Variants in PRPS1 observed in about 807,000 individuals in gnomAD.
The protein encoded by PRPS1 is ribose-phosphate pyrophosphokinase 1.
Under a neutral mutation model 16.9 loss-of-function variants are expected in PRPS1, and 1 was observed. That is an observed-to-expected ratio of 0.06 (90% CI 0.02 to 0.28). PRPS1 has a LOEUF of 0.28. Ranked by LOEUF, PRPS1 falls within the 10% of genes least tolerant of loss-of-function variation. The probability of loss-of-function intolerance (pLI) is 1.00; values close to 1 mark genes in which losing one functional copy is unlikely to be tolerated. For synonymous variants in PRPS1, 70 were observed against 90.2 expected (o/e 0.78, Z 1.27); for missense variants, 47 against 254.0 (o/e 0.19, Z 5.54).
chrX:107,648,473 G>A (rs1437636827), intron 6 of PRPS1, among the ~76,000 whole-genome samples: 5 of 103,504 alleles, frequency 4.8e-5, no homozygotes, highest in Admixed American at 1.1e-4. Flanking sequence ...TGCCCCAGCC[G>A]GAGTGCGCAA....
intron 6 of PRPS1, among the ~76,000 whole-genome samples, chrX:107,649,425 C>G (rs1925780507): frequency 9.1e-6 from 1 of 109,382 alleles, no homozygotes; most frequent in African/African-American, 3.3e-5. Flanking sequence ...TCTCAGTTAG[C>G]ATTTTGACTC....
chrX:107,642,783 A>G (rs1925604836), intron 4 of PRPS1, among the ~76,000 whole-genome samples: 1 of 111,778 alleles, frequency 8.9e-6, no homozygotes, highest in African/African-American at 3.3e-5. Flanking sequence ...ACCTTTTGGG[A>G]AGGGTAGAAA....
At chrX:107,644,571 C>T (rs1925646676) in intron 4 of PRPS1, among the ~76,000 whole-genome samples, 1 of 112,022 alleles carries the variant, frequency 8.9e-6, no homozygotes. Context: ...TAGCGTTATA[C>T]TGCTTCCCAG....
intron 5 of PRPS1, among the ~76,000 whole-genome samples, chrX:107,646,908 G>T (rs779837995): frequency 2.0e-4 from 22 of 112,643 alleles, no homozygotes; most frequent in Admixed American, 1.7e-3. Flanking sequence ...TGTGAGGGAG[G>T]CTGGGAAATG....
chrX:107,637,933 T>A (rs965097589), intron 1 of PRPS1, among the ~76,000 whole-genome samples: 14 of 103,678 alleles, frequency 1.4e-4, no homozygotes, highest in Non-Finnish European at 2.1e-4. Context: ...AATATAAATA[T>A]ATATATATAT....
At chrX:107,635,341 A>C (rs150953574) in intron 1 of PRPS1, among the ~76,000 whole-genome samples, 99 of 112,304 alleles carry the variant, frequency 8.8e-4, no homozygotes, top group African/African-American at 3.1e-3. Flanking sequence ...CATGATTGGA[A>C]ATCAATATGC....
chrX:107,646,003 A>G (rs1009320458), intron 5 of PRPS1, among the ~76,000 whole-genome samples: 5 of 111,391 alleles, frequency 4.5e-5, no homozygotes, highest in African/African-American at 1.3e-4. Flanking sequence ...TCTTCCTGCA[A>G]CTGAGGCTCG....
Position 107,636,412 on chromosome X carries a change from G to A in PRPS1, c.123-2883G>A, listed in dbSNP as rs141340480. Among the ~76,000 whole-genome samples, 320 of 112,623 alleles carry A rather than the reference G, an allele frequency of 2.8e-3. 7 individuals are homozygous for A. In the East Asian group the frequency reaches 0.072, roughly 25 times the overall value. On this transcript the variant is annotated intron_variant, in intron 1 of 6. Coordinates refer to ENST00000372435, the MANE Select transcript of PRPS1 (RefSeq NM_002764.4). ...TGGGATTACAGGCATGAGCCACTGC[G>A]TCCAGTCTTAAAAAAGGTTTATCCT...
chrX:107,631,095 A>G (rs1277597111), intron 1 of PRPS1, among the ~76,000 whole-genome samples: 1 of 112,603 alleles, frequency 8.9e-6, no homozygotes, highest in East Asian at 2.8e-4. Context: ...ATATTTGTGT[A>G]AGATACACTT....
Position 107,650,267 on chromosome X carries a change from A to G in PRPS1, c.*235A>G. 1 of 544,919 alleles carries G rather than the reference A, an allele frequency of 1.8e-6. No homozygotes were observed. The highest frequency in any genetic ancestry group is 2.3e-5 in the African/African-American group (1 of 43,047). 44.9% of individuals were successfully genotyped at this position (544,919 alleles called of 1,213,427 possible). On this transcript the variant is annotated 3_prime_UTR_variant, in exon 7 of 7. Coordinates refer to ENST00000372435, the MANE Select transcript of PRPS1 (RefSeq NM_002764.4). ...TCCTTGATAATTCTGTGGGCCTTGCAGCTTTAACTATAGCTCAGCTGCTGC... is the reference window on the plus strand; with the variant it reads ...TCCTTGATAATTCTGTGGGCCTTGCGGCTTTAACTATAGCTCAGCTGCTGC...
Position 107,628,681 on chromosome X carries a change from A to G in PRPS1, c.53A>G (p.Lys18Arg). 2 of 1,211,389 alleles carry G rather than the reference A, an allele frequency of 1.7e-6. No homozygotes were observed. The highest frequency in any genetic ancestry group is 2.2e-5 in the Admixed American group (1 of 45,998). ...AGCTCCCACCAGGACTTATCTCAGA[A>G]AATTGCTGACCGCCTGGGCCTGGAG... ...SGSSHQDLSQ[K>R]IADRLGLELG... The change falls in exon 1 of 7, where the codon AAA becomes AGA. Residue 18 changes from lysine to arginine, a missense_variant. By Grantham distance (26) the Lys-to-Arg change is conservative. This residue lies in a region of PRPS1 where 19 missense variants were observed against 155.6 expected (regional missense o/e 0.12). Coordinates refer to ENST00000372435, the MANE Select transcript of PRPS1 (RefSeq NM_002764.4).
intron 1 of PRPS1, among the ~76,000 whole-genome samples, chrX:107,635,773 G>T (rs1925420385): frequency 9.0e-6 from 1 of 110,583 alleles, no homozygotes; most frequent in Admixed American, 9.7e-5. Context: ...AGTAAAGAAA[G>T]ATCTGGGCCA....
intron 5 of PRPS1, among the ~76,000 whole-genome samples, chrX:107,645,877 T>C (rs1434054567): frequency 4.5e-5 from 5 of 110,942 alleles, no homozygotes; most frequent in Non-Finnish European, 9.4e-5. Context: ...GATAGGTTAA[T>C]GTTTATATTA....
intron 4 of PRPS1, 39 bp downstream of exon 4, chrX:107,642,529 A>T (rs751616994): frequency 7.5e-6 from 9 of 1,207,207 alleles, no homozygotes; most frequent in Non-Finnish European, 1.0e-5. Flanking sequence ...TGTACTGGGA[A>T]AATCTTTCAG....
intron 1 of PRPS1, among the ~76,000 whole-genome samples, chrX:107,637,487 C>T (rs1925468117): frequency 9.0e-6 from 1 of 111,310 alleles, no homozygotes; most frequent in Non-Finnish European, 1.9e-5. Flanking sequence ...TATTTATGGA[C>T]TCTGTAACAG....
At chrX:107,641,093 G>A in intron 3 of PRPS1, 93 bp downstream of exon 3, 2 of 1,205,685 alleles carry the variant, frequency 1.7e-6, no homozygotes, top group Non-Finnish European at 2.2e-6. Context: ...TTATGCCCAA[G>A]TACATCTGAA....
chrX:107,636,580 CT>C (rs889945531), intron 1 of PRPS1: 3 of 111,164 alleles, frequency 2.7e-5, no homozygotes, highest in Non-Finnish European at 3.8e-5. Context: ...TCTTTTCTTG[CT>C]TTTGAGATGA....
chrX:107,650,421 G>C lies in PRPS1; in HGVS notation c.*389G>C, dbSNP rs5962870. 514 of 393,934 alleles carry C rather than the reference G, an allele frequency of 1.3e-3. 2 individuals are homozygous for C. Among genetic ancestry groups the C allele is most frequent in the Middle Eastern group, 5.5e-3 (8 of 1,454 alleles). The allele number at this position is 393,934 out of a possible 1,213,427, so 32.5% of individuals were successfully genotyped here. On this transcript the variant is annotated 3_prime_UTR_variant, in exon 7 of 7. Coordinates refer to ENST00000372435, the MANE Select transcript of PRPS1 (RefSeq NM_002764.4). The stretch of plus-strand genomic sequence containing the variant: ...ACAACTAGCAACAAAGGCAACCCAT[G>C]TGTGACCAGTTCTCCCCAAGGTCTA...
chrX:107,643,869 C>G (rs1925630900), intron 4 of PRPS1, among the ~76,000 whole-genome samples: 1 of 111,701 alleles, frequency 9.0e-6, no homozygotes, highest in Non-Finnish European at 1.9e-5. Context: ...CAAATGTTAC[C>G]TAGATTATGG....
Sources: gnomAD v4.1 joint callset for allele counts (sites outside exome capture counted in the v4.1 genomes callset) on GRCh38, gnomAD v4.1.1 for gene constraint, gnomAD v4.1.1 regional missense constraint, MANE v1.5 for transcripts, NCBI Gene and HGNC (gene_info 2026-07-23, HGNC 2026-07-21) for gene names.